Variants in TRAF3 observed in about 807,000 individuals in gnomAD.
TRAF3 encodes the protein TNF receptor-associated factor 3.
Under a neutral mutation model 62.3 loss-of-function variants are expected in TRAF3, and 13 were observed. The ratio of observed to expected loss-of-function variants is 0.21; its 90% CI spans 0.14 to 0.33. The LOEUF (loss-of-function observed/expected upper bound fraction) is 0.33. Ranked by LOEUF, TRAF3 falls within the 10% of genes least tolerant of loss-of-function variation. The pLI is 1.00. For synonymous variants in TRAF3, 269 were observed against 283.4 expected (o/e 0.95, Z 0.51); for missense variants, 440 against 741.8 (o/e 0.59, Z 4.73).
chr14:102,824,471 C>T (rs561397795), intron 1 of TRAF3, among the ~76,000 whole-genome samples: 64 of 152,188 alleles, frequency 4.2e-4, no homozygotes, highest in Non-Finnish European at 8.4e-4. Flanking sequence ...TGTTCTGTGG[C>T]CCCAGTGGCA....
chr14:102,889,286 A>G (rs528816820), intron 7 of TRAF3, among the ~76,000 whole-genome samples: 3 of 152,186 alleles, frequency 2.0e-5, no homozygotes, highest in Non-Finnish European at 2.9e-5. Context: ...GGCACTACAG[A>G]TGGCATGTCA....
At chr14:102,871,369 C>A (rs1888332727) in intron 3 of TRAF3, among the ~76,000 whole-genome samples, 1 of 152,214 alleles carries the variant, frequency 6.6e-6, no homozygotes, top group Non-Finnish European at 1.5e-5. Flanking sequence ...ACCGTGTCTC[C>A]TAACACAAGA....
intron 1 of TRAF3, among the ~76,000 whole-genome samples, chr14:102,812,819 T>C (rs553273090): frequency 1.7e-4 from 25 of 149,576 alleles, no homozygotes; most frequent in African/African-American, 4.3e-4. Flanking sequence ...CTCAGGAGGC[T>C]GAGGCAGGAG....
Position 102,903,867 on chromosome 14 carries a change from G to A in TRAF3, c.1135+438G>A, listed in dbSNP as rs1233661749. On this transcript the variant is annotated intron_variant, in intron 11 of 11. Coordinates refer to ENST00000392745, the MANE Select transcript of TRAF3 (RefSeq NM_145725.3). This position sits in a 1 kb window ranked among gnomAD's most constrained non-coding sequence, Gnocchi z 6.4. ...GTTTCTGATCCACAAGCAGATGTGG[G>A]CCTATGGCTTTGGGGACTGAAAGAG... The A allele has an allele frequency of 1.1e-5, 5 of 447,206 alleles. No homozygotes were observed. In the East Asian group the frequency reaches 3.5e-4, roughly 31 times the overall value. The allele number at this position is 447,206 out of a possible 1,614,324, so 27.7% of individuals were successfully genotyped here.
intron 2 of TRAF3, among the ~76,000 whole-genome samples, chr14:102,866,848 AAAAC>A (rs1293094542): frequency 7.3e-4 from 70 of 95,834 alleles, no homozygotes; most frequent in Non-Finnish European, 1.4e-3. Flanking sequence ...CCATCTCTTG[AAAAC>A]ACACACACAC....
In TRAF3 at chr14:102,910,332, C is replaced by G. The variant is rs886625207; in HGVS notation, c.*4548C>G. 4 of 152,268 alleles carry G rather than the reference C, an allele frequency of 2.6e-5. No individual in the cohort carries two copies. Among genetic ancestry groups the G allele is most frequent in the African/African-American group, 9.6e-5 (4 of 41,468 alleles). The allele number at this position is 152,268 out of a possible 1,614,324, so 9.4% of individuals were successfully genotyped here. A position where few individuals can be genotyped will look rare whatever the true frequency, so the allele number is the denominator to read the frequency against. The stretch of plus-strand genomic sequence containing the variant: ...AGGGAGAGTGGGGGAAGCCCCCTTG[C>G]TTTTGTATCTGTGAGGTGAATGAGG... On this transcript the variant is annotated 3_prime_UTR_variant, in exon 12 of 12. Coordinates refer to ENST00000392745, the MANE Select transcript of TRAF3 (RefSeq NM_145725.3).
intron 1 of TRAF3, among the ~76,000 whole-genome samples, chr14:102,816,095 T>C (rs1159985190): frequency 1.3e-5 from 2 of 151,756 alleles, no homozygotes; most frequent in Non-Finnish European, 2.9e-5. Context: ...ATTTCTGGAC[T>C]CTAAATTCTA....
intron 8 of TRAF3, among the ~76,000 whole-genome samples, chr14:102,890,424 A>C (rs1482826913): frequency 6.6e-6 from 1 of 152,248 alleles, no homozygotes; most frequent in African/African-American, 2.4e-5. Flanking sequence ...GAACAGCCAA[A>C]GAGTAAGAAT....
intron 1 of TRAF3, among the ~76,000 whole-genome samples, chr14:102,817,624 T>A (rs1657275415): frequency 6.6e-6 from 1 of 151,524 alleles, no homozygotes; most frequent in African/African-American, 2.4e-5. Context: ...AAGCTGAGAG[T>A]AAGGGTGACA....
intron 1 of TRAF3, among the ~76,000 whole-genome samples, chr14:102,829,671 TC>T (rs375916542): frequency 6.6e-6 from 1 of 152,190 alleles, no homozygotes; most frequent in Non-Finnish European, 1.5e-5. Context: ...CTAGGGCTCT[TC>T]CTGGGAGGCA....
At chr14:102,832,705 A>G (rs184733595) in intron 2 of TRAF3, among the ~76,000 whole-genome samples, 1 of 152,250 alleles carries the variant, frequency 6.6e-6, no homozygotes, top group Non-Finnish European at 1.5e-5. Flanking sequence ...ATCAAGCACT[A>G]CCTACACACA....
At chr14:102,823,857 T>C (rs1037016539) in intron 1 of TRAF3, among the ~76,000 whole-genome samples, 1 of 149,784 alleles carries the variant, frequency 6.7e-6, no homozygotes, top group Admixed American at 6.7e-5. Flanking sequence ...GGAAATGCGG[T>C]TGACAGGATG....
chr14:102,901,641 G>A (rs1890307081), intron 10 of TRAF3, among the ~76,000 whole-genome samples: 1 of 152,238 alleles, frequency 6.6e-6, no homozygotes, highest in South Asian at 2.1e-4. Flanking sequence ...GACAGTGACA[G>A]TGGAAAGAGG....
rs778084721 is a variant in TRAF3, at chr14:102,903,491, CG to C, written c.1135+66del. On this transcript the variant is annotated intron_variant, in intron 11 of 11. Coordinates refer to ENST00000392745, the MANE Select transcript of TRAF3 (RefSeq NM_145725.3). The surrounding 1 kb of genome is among the most constrained non-coding windows in gnomAD (Gnocchi z 6.4). Reference sequence around the variant, plus strand: ...TCTGGGCCCCGGGCGAGTGCTGGGGCGGGGTCCGTGGGATGAGGGCTATGTT... The same window carrying C: ...TCTGGGCCCCGGGCGAGTGCTGGGGCGGGTCCGTGGGATGAGGGCTATGTT... The C allele has an allele frequency of 1.2e-6, 2 of 1,608,568 alleles. No homozygotes were observed. Among genetic ancestry groups the C allele is most frequent in the South Asian group, 1.1e-5 (1 of 90,814 alleles).
intron 1 of TRAF3, among the ~76,000 whole-genome samples, chr14:102,824,897 G>C (rs1900206190): frequency 6.6e-6 from 1 of 152,188 alleles, no homozygotes; most frequent in Non-Finnish European, 1.5e-5. Flanking sequence ...CTTACATTTT[G>C]AGACAGCTAA....
rs1284010562 is a variant in TRAF3, at chr14:102,905,699, C to A, written c.1622C>A (p.Thr541Asn). The A allele has an allele frequency of 1.2e-6, 2 of 1,612,496 alleles. No homozygotes were observed. Among genetic ancestry groups the A allele is most frequent in the Admixed American group, 1.7e-5 (1 of 59,970 alleles). ...GGCTGCCCAGTCTTTGTGGCCCAAACTGTTCTAGAAAATGGGACATATATT... is the reference window on the plus strand; with the variant it reads ...GGCTGCCCAGTCTTTGTGGCCCAAAATGTTCTAGAAAATGGGACATATATT... ...ASGCPVFVAQ[T>N]VLENGTYIKD... The change falls in exon 12 of 12, where the codon ACT becomes AAT. Residue 541 changes from threonine to asparagine, a missense_variant. By Grantham distance (65) the Thr-to-Asn change is moderately conservative (BLOSUM62 0). Around this residue, in one of 6 missense-constraint regions of TRAF3, gnomAD observed 59 missense variants for 120.9 expected, o/e 0.49. Coordinates refer to ENST00000392745, the MANE Select transcript of TRAF3 (RefSeq NM_145725.3).
chr14:102,872,086 C>T lies in TRAF3; in HGVS notation c.297+118C>T, dbSNP rs542343567. 471 of 1,048,194 alleles carry T rather than the reference C, an allele frequency of 4.5e-4. 1 individual carries two copies. In the African/African-American group the frequency reaches 6.4e-3, roughly 14 times the overall value. The allele number at this position is 1,048,194 out of a possible 1,614,324, so 64.9% of individuals were successfully genotyped here. ...ATTCTCTCAGTTTTGGCAGCTGATG[C>T]GGCAGGCTCCCAGGCAGGACACTGT... On this transcript the variant is annotated intron_variant, in intron 4 of 11. Transcript: ENST00000392745.
At chr14:102,820,294 G>A (rs933089397) in intron 1 of TRAF3, among the ~76,000 whole-genome samples, 1 of 151,988 alleles carries the variant, frequency 6.6e-6, no homozygotes, top group Admixed American at 6.6e-5. Flanking sequence ...CCGGGTCCAA[G>A]GAGGAAAGGG....
chr14:102,842,409 C>T (rs1477111411), intron 2 of TRAF3, among the ~76,000 whole-genome samples: 2 of 151,300 alleles, frequency 1.3e-5, no homozygotes, highest in African/African-American at 4.9e-5. Flanking sequence ...AGTTCATGAG[C>T]CTGAAGACGT....
Sources: allele counts gnomAD v4.1 joint callset (sites outside exome capture counted in the v4.1 genomes callset), GRCh38; gene constraint gnomAD v4.1.1; regional missense constraint gnomAD v4.1.1; non-coding constraint Gnocchi (gnomAD v3.1); transcripts MANE v1.5; gene names NCBI Gene and HGNC (gene_info 2026-07-23, HGNC 2026-07-21).